KCNK9: variants seen among roughly 807,000 people sequenced by gnomAD.
KCNK9 encodes potassium channel subfamily K member 9.
In KCNK9, 1 loss-of-function variant was observed where a neutral mutation model predicts 10.8. The ratio of observed to expected loss-of-function variants is 0.09; its 90% CI spans 0.03 to 0.44. KCNK9 has a LOEUF of 0.44. KCNK9 is among the 20% of genes least tolerant of loss of function. The pLI is 0.97. For synonymous variants in KCNK9, 231 were observed against 222.7 expected (o/e 1.04, Z -0.33); for missense variants, 303 against 515.0 (o/e 0.59, Z 3.98).
intron 1 of KCNK9, among the ~76,000 whole-genome samples, chr8:139,642,707 C>T (rs1815540661): frequency 6.6e-6 from 1 of 152,252 alleles, no homozygotes; most frequent in Non-Finnish European, 1.5e-5. Flanking sequence ...GGGGAAGGAG[C>T]CGTGGATGGG....
chr8:139,638,675 T>C (rs1028571167), intron 1 of KCNK9, among the ~76,000 whole-genome samples: 1 of 152,158 alleles, frequency 6.6e-6, no homozygotes, highest in African/African-American at 2.4e-5. Context: ...TGGGTGCCTC[T>C]AATCTAGGGC....
chr8:139,634,166 T>C (rs1815260843), intron 1 of KCNK9, among the ~76,000 whole-genome samples: 1 of 152,216 alleles, frequency 6.6e-6, no homozygotes, highest in Admixed American at 6.5e-5. Flanking sequence ...TTGGTTTCCT[T>C]AGGCTGTTGG....
At chr8:139,689,845 T>G (rs1816898019) in intron 1 of KCNK9, among the ~76,000 whole-genome samples, 1 of 152,146 alleles carries the variant, frequency 6.6e-6, no homozygotes, top group African/African-American at 2.4e-5. Context: ...GGTTTCACCA[T>G]GTTAGCCAGG....
At position 139,617,232 on chromosome 8, in the gene KCNK9, A is replaced by ATAAT. The variant is rs1814626623; in HGVS notation, c.*1022_*1025dup. On this transcript the variant is annotated 3_prime_UTR_variant, in exon 2 of 2. Transcript: ENST00000520439. ...ATTCTCACCCAAGCATTCCAACACT[A>ATAAT]TAATTCTTATTTATGCAGGGTAGGT... Among the ~76,000 whole-genome samples, 1 of 152,210 alleles carries ATAAT rather than the reference A, an allele frequency of 6.6e-6. No homozygotes were observed. The highest frequency in any genetic ancestry group is 6.5e-5 in the Admixed American group (1 of 15,284).
intron 1 of KCNK9, among the ~76,000 whole-genome samples, chr8:139,657,934 GCAGGTCTCCCCCA>G (rs1290151513): frequency 3.3e-5 from 5 of 152,168 alleles, no homozygotes; most frequent in African/African-American, 4.8e-5. Flanking sequence ...CTGTCCAACA[GCAGGTCTCCCCCA>G]CAGGACAGGC....
downstream of KCNK9, among the ~76,000 whole-genome samples, chr8:139,608,681 C>A (rs1045129987): frequency 1.3e-5 from 2 of 152,162 alleles, no homozygotes; most frequent in Admixed American, 6.5e-5. Flanking sequence ...TACTACACAA[C>A]GTACTGCACG....
At chr8:139,643,537 A>G (rs1325585502) in intron 1 of KCNK9, among the ~76,000 whole-genome samples, 1 of 152,206 alleles carries the variant, frequency 6.6e-6, no homozygotes, top group East Asian at 1.9e-4. Context: ...GTCACCGTGC[A>G]CAGGCCAAGG....
chr8:139,608,797 C>T (rs920210267), downstream of KCNK9, among the ~76,000 whole-genome samples: 1 of 152,210 alleles, frequency 6.6e-6, no homozygotes, highest in Non-Finnish European at 1.5e-5. Context: ...AAAAGATGGA[C>T]AAAGCTCTGT....
At chr8:139,629,990 G>A (rs560776887) in intron 1 of KCNK9, among the ~76,000 whole-genome samples, 80 of 151,966 alleles carry the variant, frequency 5.3e-4, no homozygotes, top group African/African-American at 1.9e-3. Flanking sequence ...TATTGTAGGA[G>A]TCCACGAACA....
At chr8:139,697,521 G>A (rs1465994332) in intron 1 of KCNK9, among the ~76,000 whole-genome samples, 2 of 152,058 alleles carry the variant, frequency 1.3e-5, no homozygotes, top group African/African-American at 4.8e-5. Flanking sequence ...GCAGGTGCAT[G>A]GAGGACTAAG....
At chr8:139,633,592 A>G (rs972325897) in intron 1 of KCNK9, among the ~76,000 whole-genome samples, 4 of 152,148 alleles carry the variant, frequency 2.6e-5, no homozygotes, top group Admixed American at 1.3e-4. Context: ...CAACAGGCAC[A>G]CTCAGACATG....
chr8:139,698,598 G>T (rs979610884), intron 1 of KCNK9, among the ~76,000 whole-genome samples: 14 of 152,196 alleles, frequency 9.2e-5, no homozygotes, highest in Non-Finnish European at 1.5e-4. Context: ...CTGCACCCTG[G>T]ACTGCAACCA....
intron 1 of KCNK9, among the ~76,000 whole-genome samples, chr8:139,665,334 C>T (rs772478397): frequency 6.6e-5 from 10 of 152,138 alleles, no homozygotes; most frequent in African/African-American, 2.2e-4. Flanking sequence ...CACACCCCTC[C>T]GACCTCTGCT....
At chr8:139,601,763 T>A (rs1563706763) in intron 2 of KCNK9, among the ~76,000 whole-genome samples, 1 of 152,206 alleles carries the variant, frequency 6.6e-6, no homozygotes, top group Non-Finnish European at 1.5e-5. Flanking sequence ...TGATGTAAGA[T>A]TTTATTGCAT....
intron 1 of KCNK9, among the ~76,000 whole-genome samples, chr8:139,661,997 C>T (rs960694821): frequency 6.6e-6 from 1 of 152,190 alleles, no homozygotes; most frequent in Non-Finnish European, 1.5e-5. Context: ...CAAGGTGTGT[C>T]GAGAGGGGCT....
chr8:139,672,453 C>T (rs1246224394), intron 1 of KCNK9, among the ~76,000 whole-genome samples: 1 of 152,226 alleles, frequency 6.6e-6, no homozygotes, highest in Non-Finnish European at 1.5e-5. Context: ...CAGCTCAACC[C>T]TTCTGGTCAG....
At chr8:139,650,838 C>T (rs1815841107) in intron 1 of KCNK9, among the ~76,000 whole-genome samples, 1 of 152,130 alleles carries the variant, frequency 6.6e-6, no homozygotes, top group Non-Finnish European at 1.5e-5. Flanking sequence ...TGAGCCTGGC[C>T]ATCGTCATTC....
chr8:139,630,790 C>T (rs924773053), intron 1 of KCNK9, among the ~76,000 whole-genome samples: 2 of 152,208 alleles, frequency 1.3e-5, no homozygotes, highest in Admixed American at 6.5e-5. Context: ...GTGGAGAAGG[C>T]TGCGGTCAAG....
At chr8:139,696,470 G>A (rs1172190290) in intron 1 of KCNK9, among the ~76,000 whole-genome samples, 3 of 152,326 alleles carry the variant, frequency 2.0e-5, no homozygotes, top group Non-Finnish European at 2.9e-5. Context: ...ATCCTTCATG[G>A]AGGCCATTGA....
Sources: allele counts gnomAD v4.1 joint callset (sites outside exome capture counted in the v4.1 genomes callset), GRCh38; gene constraint gnomAD v4.1.1; transcripts MANE v1.5; gene names NCBI Gene and HGNC (gene_info 2026-07-23, HGNC 2026-07-21).